CACNA2D3: variants seen among roughly 807,000 people sequenced by gnomAD.
The protein encoded by CACNA2D3 is voltage-dependent calcium channel subunit alpha-2/delta-3.
Under a neutral mutation model 160.6 loss-of-function variants are expected in CACNA2D3, and 60 were observed. The ratio of observed to expected loss-of-function variants is 0.37; its 90% CI spans 0.30 to 0.46. The LOEUF is 0.46. Among genes scored for constraint, CACNA2D3 ranks in the 20% least tolerant of loss-of-function variants. The pLI is 1.00. For synonymous variants in CACNA2D3, 558 were observed against 492.9 expected (o/e 1.13, Z -1.75); for missense variants, 1,205 against 1,365.0 (o/e 0.88, Z 1.85).
intron 28 of CACNA2D3, among the ~76,000 whole-genome samples, chr3:54,969,373 C>A (rs1214907873): frequency 6.6e-6 from 1 of 151,206 alleles, no homozygotes; most frequent in African/African-American, 2.4e-5. Context: ...GATTCTCCTG[C>A]CTCAGCCTCC....
chr3:54,861,425 G>A (rs138348970), intron 17 of CACNA2D3, among the ~76,000 whole-genome samples: 189 of 152,228 alleles, frequency 1.2e-3, no homozygotes, highest in Non-Finnish European at 1.7e-3. Context: ...AGGGAGTGGC[G>A]AGAAAGAGGC....
At chr3:54,841,040 A>G (rs2106764601) in intron 16 of CACNA2D3, among the ~76,000 whole-genome samples, 1 of 152,212 alleles carries the variant, frequency 6.6e-6, no homozygotes, top group African/African-American at 2.4e-5. Context: ...CATGATTTTA[A>G]CCTCTGTAAC....
At chr3:54,567,497 G>T (rs1490138396) in intron 6 of CACNA2D3, among the ~76,000 whole-genome samples, 1 of 134,314 alleles carries the variant, frequency 7.4e-6, no homozygotes, top group African/African-American at 2.5e-5. Flanking sequence ...ATCTGTTCAG[G>T]TGGAGGTGGT....
At chr3:54,805,727 A>G (rs1280600511) in intron 13 of CACNA2D3, among the ~76,000 whole-genome samples, 1 of 152,224 alleles carries the variant, frequency 6.6e-6, no homozygotes, top group East Asian at 1.9e-4. Context: ...CCTGACACCA[A>G]AGCCGGGCAG....
intron 4 of CACNA2D3, among the ~76,000 whole-genome samples, chr3:54,415,339 G>A (rs1699737072): frequency 6.6e-6 from 1 of 152,072 alleles, no homozygotes; most frequent in African/African-American, 2.4e-5. Context: ...CCTTGAATCT[G>A]GTGGCAATCC....
chr3:54,959,849 C>T (rs1427524897), intron 27 of CACNA2D3, among the ~76,000 whole-genome samples: 1 of 152,136 alleles, frequency 6.6e-6, no homozygotes, highest in African/African-American at 2.4e-5. Flanking sequence ...CTAGCTCCGG[C>T]AGCCTGGGAA....
intron 12 of CACNA2D3, 117 bp downstream of exon 12, chr3:54,752,794 T>A: frequency 1.5e-6 from 1 of 681,930 alleles, no homozygotes; most frequent in Non-Finnish European, 2.6e-6. Flanking sequence ...TGGGTATATC[T>A]AAGTGATTAC....
intron 9 of CACNA2D3, among the ~76,000 whole-genome samples, chr3:54,611,682 G>A (rs1160876558): frequency 6.6e-6 from 1 of 152,188 alleles, no homozygotes; most frequent in African/African-American, 2.4e-5. Context: ...CTCAGAAAGG[G>A]GGTGGAGTGC....
chr3:54,428,149 C>T (rs182775285), intron 4 of CACNA2D3, among the ~76,000 whole-genome samples: 10 of 152,282 alleles, frequency 6.6e-5, no homozygotes, highest in African/African-American at 2.4e-4. Flanking sequence ...ACCATGCAGC[C>T]CTTTCTTCTT....
intron 3 of CACNA2D3, among the ~76,000 whole-genome samples, chr3:54,339,324 T>G (rs1704464198): frequency 6.6e-6 from 1 of 152,218 alleles, no homozygotes; most frequent in East Asian, 1.9e-4. Context: ...TTCTTCTCTT[T>G]GGGGAAAATT....
chr3:54,752,467 T>TA (rs1209252187), intron 11 of CACNA2D3, 132 bp from the exon 12 acceptor site: 1 of 654,112 alleles, frequency 1.5e-6, no homozygotes, highest in Non-Finnish European at 2.8e-6. Context: ...TCAGATGTCT[T>TA]AAATATGTTC....
intron 2 of CACNA2D3, among the ~76,000 whole-genome samples, chr3:54,227,096 A>T (rs1270204257): frequency 6.6e-6 from 1 of 152,222 alleles, no homozygotes. Context: ...CATTGTGAAG[A>T]TGGCAGAACA....
At chr3:54,350,982 G>GT (rs1491034355) in intron 3 of CACNA2D3, among the ~76,000 whole-genome samples, 19 of 61,814 alleles carry the variant, frequency 3.1e-4, no homozygotes, top group African/African-American at 9.2e-4. Flanking sequence ...TTTTTTTTTT[G>GT]TTTGTTTTTT....
At chr3:54,294,333 CGACA>C (rs1258244834) in intron 2 of CACNA2D3, among the ~76,000 whole-genome samples, 1 of 152,102 alleles carries the variant, frequency 6.6e-6, no homozygotes, top group Non-Finnish European at 1.5e-5. Context: ...AATGGGTATG[CGACA>C]AAGTTTTTCG....
chr3:54,279,382 T>C (rs1702819688), intron 2 of CACNA2D3, among the ~76,000 whole-genome samples: 1 of 152,160 alleles, frequency 6.6e-6, no homozygotes, highest in Admixed American at 6.5e-5. Flanking sequence ...CCTACTAGTA[T>C]GTATGCCCAA....
intron 4 of CACNA2D3, among the ~76,000 whole-genome samples, chr3:54,466,842 G>A (rs1700636999): frequency 6.6e-6 from 1 of 152,120 alleles, no homozygotes; most frequent in Admixed American, 6.5e-5. Context: ...GATTTTGTAG[G>A]CAATCCAGTG....
At chr3:54,625,985 A>G (rs1229612822) in intron 9 of CACNA2D3, among the ~76,000 whole-genome samples, 2 of 152,054 alleles carry the variant, frequency 1.3e-5, no homozygotes, top group African/African-American at 4.8e-5. Context: ...GGGCGTGGTA[A>G]GAGAAAGAAA....
intron 4 of CACNA2D3, among the ~76,000 whole-genome samples, chr3:54,458,148 A>T (rs1490993814): frequency 1.3e-5 from 2 of 152,060 alleles, no homozygotes; most frequent in Non-Finnish European, 2.9e-5. Context: ...AGTTTTTGAT[A>T]TCCTTTGTTC....
At chr3:54,436,949 G>A (rs1334664551) in intron 4 of CACNA2D3, among the ~76,000 whole-genome samples, 1 of 152,170 alleles carries the variant, frequency 6.6e-6, no homozygotes, top group Non-Finnish European at 1.5e-5. Flanking sequence ...GAGTGAAGAG[G>A]TTAAAGGGAC....
Sources: gnomAD v4.1 joint callset for allele counts (sites outside exome capture counted in the v4.1 genomes callset) on GRCh38, gnomAD v4.1.1 for gene constraint, MANE v1.5 for transcripts, NCBI Gene and HGNC (gene_info 2026-07-23, HGNC 2026-07-21) for gene names.